LDB2: variants seen among roughly 807,000 people sequenced by gnomAD.
LDB2 encodes LIM domain-binding protein 2.
Under a neutral mutation model 44.3 loss-of-function variants are expected in LDB2, and 12 were observed. The observed-to-expected ratio is 0.27, with a 90% CI of 0.17 to 0.44. The LOEUF is 0.44. LDB2 is among the 20% of genes least tolerant of loss of function. The pLI is 1.00. For missense variants in LDB2, 344 were observed against 473.5 expected (o/e 0.73, Z 2.54); for synonymous variants, 164 against 174.8 (o/e 0.94, Z 0.49).
chr4:16,854,261 C>T (rs189386331), intron 1 of LDB2, among the ~76,000 whole-genome samples: 8 of 151,070 alleles, frequency 5.3e-5, no homozygotes, highest in African/African-American at 1.5e-4. Flanking sequence ...ATATTGTATA[C>T]CTTAAATATA....
At chr4:16,637,484 C>G (rs1733939933) in intron 2 of LDB2, among the ~76,000 whole-genome samples, 1 of 151,864 alleles carries the variant, frequency 6.6e-6, no homozygotes, top group African/African-American at 2.4e-5. Context: ...TTACGGAGTA[C>G]CCACTCTGAG....
intron 5 of LDB2, among the ~76,000 whole-genome samples, chr4:16,572,726 T>C (rs949631915): frequency 6.6e-6 from 1 of 152,174 alleles, no homozygotes; most frequent in African/African-American, 2.4e-5. Flanking sequence ...ATTAATTCCC[T>C]TATCATGTAG....
chr4:16,732,856 C>G (rs1438595169), intron 2 of LDB2, among the ~76,000 whole-genome samples: 1 of 152,162 alleles, frequency 6.6e-6, no homozygotes, highest in African/African-American at 2.4e-5. Context: ...AATGAACACT[C>G]TACACTTAGA....
At chr4:16,783,058 C>T (rs1773640999) in intron 1 of LDB2, among the ~76,000 whole-genome samples, 1 of 152,106 alleles carries the variant, frequency 6.6e-6, no homozygotes. Flanking sequence ...CTCATGTCTT[C>T]AAAGATGTGA....
intron 1 of LDB2, among the ~76,000 whole-genome samples, chr4:16,774,841 A>G (rs890627282): frequency 6.6e-6 from 1 of 152,200 alleles, no homozygotes. Context: ...TGCATGCATA[A>G]ATGCTCATAG....
At chr4:16,768,836 T>A (rs1769955295) in intron 1 of LDB2, among the ~76,000 whole-genome samples, 1 of 151,936 alleles carries the variant, frequency 6.6e-6, no homozygotes, top group Non-Finnish European at 1.5e-5. Context: ...ACCATGACCC[T>A]ATAATATAAG....
chr4:16,776,495 T>G (rs1330241512), intron 1 of LDB2, among the ~76,000 whole-genome samples: 3 of 152,200 alleles, frequency 2.0e-5, no homozygotes, highest in Admixed American at 1.3e-4. Context: ...CAAATGGATT[T>G]CAACCCCAAG....
chr4:16,646,606 G>A (rs1178233881), intron 2 of LDB2, among the ~76,000 whole-genome samples: 1 of 152,194 alleles, frequency 6.6e-6, no homozygotes, highest in African/African-American at 2.4e-5. Flanking sequence ...GCAGCTTGGA[G>A]TCAAGCCCTA....
intron 1 of LDB2, among the ~76,000 whole-genome samples, chr4:16,812,965 G>A (rs1780185485): frequency 6.6e-6 from 1 of 151,704 alleles, no homozygotes; most frequent in Non-Finnish European, 1.5e-5. Flanking sequence ...GTTGATGACA[G>A]ACACTTTTGA....
At chr4:16,514,428 A>C (rs1302173229) in intron 5 of LDB2, among the ~76,000 whole-genome samples, 1 of 152,226 alleles carries the variant, frequency 6.6e-6, no homozygotes, top group Non-Finnish European at 1.5e-5. Context: ...AGAGACAGCA[A>C]GACTTGCACA....
At chr4:16,556,385 G>C (rs1739600887) in intron 5 of LDB2, among the ~76,000 whole-genome samples, 1 of 152,162 alleles carries the variant, frequency 6.6e-6, no homozygotes, top group Non-Finnish European at 1.5e-5. Flanking sequence ...GATAAGCTTG[G>C]TGAGAGCAAG....
At chr4:16,511,837 T>C (rs1458487041) in intron 6 of LDB2, 144 bp downstream of exon 6, 2 of 896,202 alleles carry the variant, frequency 2.2e-6, no homozygotes, top group African/African-American at 3.3e-5. Context: ...ATTGTCTTTA[T>C]GTCCACAACC....
At chr4:16,829,888 C>T (rs1430520211) in intron 1 of LDB2, among the ~76,000 whole-genome samples, 2 of 152,066 alleles carry the variant, frequency 1.3e-5, no homozygotes, top group Non-Finnish European at 2.9e-5. Context: ...AAGCAGATCA[C>T]GAGGTCAAGA....
At chr4:16,605,708 G>C (rs919271075) in intron 2 of LDB2, among the ~76,000 whole-genome samples, 1 of 152,170 alleles carries the variant, frequency 6.6e-6, no homozygotes, top group Non-Finnish European at 1.5e-5. Context: ...AGACAGGCCA[G>C]TAAAATCATT....
chr4:16,849,030 C>T (rs1427861276), intron 1 of LDB2, among the ~76,000 whole-genome samples: 1 of 152,174 alleles, frequency 6.6e-6, no homozygotes, highest in Non-Finnish European at 1.5e-5. Context: ...AATGAAATCC[C>T]AAATTGAAAA....
intron 1 of LDB2, among the ~76,000 whole-genome samples, chr4:16,789,393 A>T (rs905176772): frequency 2.0e-5 from 3 of 152,196 alleles, no homozygotes; most frequent in African/African-American, 7.2e-5. Flanking sequence ...GACCTCATGA[A>T]CCTACATTCT....
intron 2 of LDB2, among the ~76,000 whole-genome samples, chr4:16,662,192 C>A (rs1395007768): frequency 6.6e-6 from 1 of 152,150 alleles, no homozygotes; most frequent in African/African-American, 2.4e-5. Flanking sequence ...CACCACAGTG[C>A]CCATTCCTTC....
At chr4:16,587,975 TA>T (rs1417804695) in intron 4 of LDB2, among the ~76,000 whole-genome samples, 1 of 152,186 alleles carries the variant, frequency 6.6e-6, no homozygotes, top group Non-Finnish European at 1.5e-5. Flanking sequence ...TCAGGGTCTT[TA>T]AAATTAGGCT....
chr4:16,807,994 C>A (rs753512930), intron 1 of LDB2, among the ~76,000 whole-genome samples: 4 of 151,986 alleles, frequency 2.6e-5, no homozygotes, highest in Non-Finnish European at 5.9e-5. Flanking sequence ...GAATTTCTTT[C>A]TTTTCCCAAT....
Sources: gnomAD v4.1 joint callset for allele counts (sites outside exome capture counted in the v4.1 genomes callset) on GRCh38, gnomAD v4.1.1 for gene constraint, MANE v1.5 for transcripts, NCBI Gene and HGNC (gene_info 2026-07-23, HGNC 2026-07-21) for gene names.